The following DST variants were observed in gnomAD, a reference collection of about 807,000 sequenced individuals.
The protein encoded by DST is dystonin.
In DST, 253 loss-of-function variants were observed where a neutral mutation model predicts 875.2. That is an observed-to-expected ratio of 0.29 (90% CI 0.26 to 0.32). The LOEUF (loss-of-function observed/expected upper bound fraction) is 0.32. Among genes scored for constraint, DST ranks in the 10% least tolerant of loss-of-function variants. DST has a pLI of 1.00. For synonymous variants in DST, 3,124 were observed against 3,197.1 expected (o/e 0.98, Z 0.77); for missense variants, 8,287 against 9,111.6 (o/e 0.91, Z 3.68).
At chr6:56,846,806 C>G (rs934358967) in intron 4 of DST, among the ~76,000 whole-genome samples, 4 of 151,734 alleles carry the variant, frequency 2.6e-5, no homozygotes, top group African/African-American at 9.7e-5. Flanking sequence ...GAGTTCGAAA[C>G]TAGCCTGCAC....
rs7753074 is a variant in DST, at chr6:56,612,871, T to A, written c.5059-1275A>T. ...AAACTAAAGAATGTCTACAAAAAAA[T>A]TTTTTTTAATTAGCCAGGTGTGGTG... On this transcript the variant is annotated intron_variant, in intron 37 of 103. Transcript: ENST00000680361. Among the ~76,000 whole-genome samples the A allele has an allele frequency of 6.5e-3, 990 of 151,988 alleles. 12 individuals are homozygous for A. Among genetic ancestry groups the A allele is most frequent in the African/African-American group, 0.023 (948 of 41,418 alleles).
At chr6:56,666,399 AT>A (rs2099072476) in intron 10 of DST, among the ~76,000 whole-genome samples, 1 of 152,220 alleles carries the variant, frequency 6.6e-6, no homozygotes, top group Non-Finnish European at 1.5e-5. Flanking sequence ...TAAGTCACCT[AT>A]CACATATAAT....
intron 72 of DST, among the ~76,000 whole-genome samples, chr6:56,515,132 T>C (rs2096564595): frequency 6.6e-6 from 1 of 152,224 alleles, no homozygotes; most frequent in African/African-American, 2.4e-5. Flanking sequence ...ATTCAATGTG[T>C]GTAAATTGAA....
intron 60 of DST, 105 bp downstream of exon 60, chr6:56,555,240 G>A: frequency 7.9e-7 from 1 of 1,267,004 alleles, no homozygotes; most frequent in Non-Finnish European, 1.1e-6. Context: ...TTAACAGTGG[G>A]GCAGAGTCTC....
intron 4 of DST, among the ~76,000 whole-genome samples, chr6:56,758,564 G>A (rs1022018739): frequency 2.0e-5 from 3 of 152,208 alleles, no homozygotes; most frequent in African/African-American, 7.2e-5. Flanking sequence ...GCTGTTCCAT[G>A]ATGTCTGGGC....
At chr6:56,898,542 C>G (rs1792551452) in intron 3 of DST, among the ~76,000 whole-genome samples, 1 of 152,178 alleles carries the variant, frequency 6.6e-6, no homozygotes, top group African/African-American at 2.4e-5. Flanking sequence ...AAACAATTCA[C>G]CTATTCCCTA....
intron 48 of DST, among the ~76,000 whole-genome samples, chr6:56,593,291 G>A (rs532457809): frequency 1.1e-4 from 17 of 152,078 alleles, no homozygotes; most frequent in East Asian, 3.9e-4. Context: ...CGAGGTGAGC[G>A]GATCACGAGG....
intron 4 of DST, among the ~76,000 whole-genome samples, chr6:56,812,108 AAAAAAG>A: frequency 7.0e-6 from 1 of 142,600 alleles, no homozygotes; most frequent in South Asian, 2.1e-4. Context: ...ACTCAAAAAA[AAAAAAG>A]AAAAGAAAAG....
Position 56,458,938 on chromosome 6 carries a change from C to A in DST, c.*67G>T. The A allele has an allele frequency of 7.0e-7, 1 of 1,436,904 alleles. No individual in the cohort carries two copies. The highest frequency in any genetic ancestry group is 9.2e-7 in the Non-Finnish European group (1 of 1,084,682). 89.0% of individuals were successfully genotyped at this position (1,436,904 alleles called of 1,614,324 possible). On this transcript the variant is annotated 3_prime_UTR_variant, in exon 104 of 104. Coordinates refer to ENST00000680361, the MANE Select transcript of DST (RefSeq NM_001374736.1). The stretch of plus-strand genomic sequence containing the variant: ...CAATATTTCACAAGAATTTCTACAC[C>A]ATATTTTACATCGTTCAAACTTAAA...
chr6:56,936,216 C>T (rs1253717451), intron 2 of DST, among the ~76,000 whole-genome samples: 2 of 152,252 alleles, frequency 1.3e-5, no homozygotes, highest in Middle Eastern at 6.8e-3. Flanking sequence ...AAAGTCAGTT[C>T]GTGTTCCCAT....
intron 49 of DST, among the ~76,000 whole-genome samples, chr6:56,582,467 C>T (rs1345322310): frequency 6.6e-6 from 1 of 151,818 alleles, no homozygotes; most frequent in East Asian, 1.9e-4. Flanking sequence ...CTTTGCCTTG[C>T]ACCATGAGTA....
At chr6:56,530,528 G>A (rs1180156594) in intron 64 of DST, among the ~76,000 whole-genome samples, 1 of 152,172 alleles carries the variant, frequency 6.6e-6, no homozygotes, top group African/African-American at 2.4e-5. Flanking sequence ...TTCAATTGGA[G>A]CAACAGTTAC....
chr6:56,781,104 ACCATGCTGTTTTGGTTACTG>A, intron 4 of DST, among the ~76,000 whole-genome samples: 1 of 152,020 alleles, frequency 6.6e-6, no homozygotes, highest in African/African-American at 2.4e-5. Flanking sequence ...TGGTACCAGT[ACCATGCTGTTTTGGTTACTG>A]TAGCCTTGTA....
At chr6:56,477,519 G>T in intron 90 of DST, 31 bp from the exon 91 acceptor site, 1 of 1,612,812 alleles carries the variant, frequency 6.2e-7, no homozygotes, top group Non-Finnish European at 8.5e-7. Context: ...TCAATTAACT[G>T]TTGGCATTGG....
intron 2 of DST, among the ~76,000 whole-genome samples, chr6:56,923,769 C>G (rs1284920731): frequency 6.6e-6 from 1 of 152,112 alleles, no homozygotes; most frequent in Non-Finnish European, 1.5e-5. Context: ...TGAGGCCCAC[C>G]CACATTATGG....
At chr6:56,617,025 T>C (rs779071790) in intron 36 of DST, 2 of 1,612,934 alleles carry the variant, frequency 1.2e-6, no homozygotes, top group African/African-American at 1.3e-5. Context: ...ATCTTTTCTT[T>C]TGTAGATTCT....
chr6:56,743,482 C>G (rs2099555385), intron 4 of DST, among the ~76,000 whole-genome samples: 1 of 152,208 alleles, frequency 6.6e-6, no homozygotes, highest in Admixed American at 6.5e-5. Flanking sequence ...TAGCCCTTCT[C>G]TTCCTATCTC....
At chr6:56,590,484 A>G (rs2098251656) in intron 49 of DST, among the ~76,000 whole-genome samples, 2 of 152,192 alleles carry the variant, frequency 1.3e-5, no homozygotes, top group Admixed American at 1.3e-4. Context: ...CGTATTTCCT[A>G]CTAAAATAAT....
chr6:56,890,871 CA>C (rs1787062406), intron 3 of DST, among the ~76,000 whole-genome samples: 2 of 152,210 alleles, frequency 1.3e-5, no homozygotes, highest in Non-Finnish European at 2.9e-5. Context: ...TTGAGTGCTT[CA>C]TATAAAGTCA....
Sources: gnomAD v4.1 joint callset for allele counts (sites outside exome capture counted in the v4.1 genomes callset) on GRCh38, gnomAD v4.1.1 for gene constraint, MANE v1.5 for transcripts, NCBI Gene and HGNC (gene_info 2026-07-23, HGNC 2026-07-21) for gene names.